Variants in LRRC41 observed in about 807,000 individuals in gnomAD.
LRRC41 encodes leucine rich repeat containing 41.
A neutral mutation model predicts 72.1 loss-of-function variants in LRRC41; 17 were observed. The ratio of observed to expected loss-of-function variants is 0.24; its 90% CI spans 0.16 to 0.35. LRRC41 has a LOEUF of 0.35. LRRC41 is among the 10% of genes least tolerant of loss of function. The pLI is 1.00. For missense variants in LRRC41, 759 were observed against 1,065.0 expected (o/e 0.71, Z 4.00); for synonymous variants, 427 against 431.0 (o/e 0.99, Z 0.11).
At chr1:46,280,063 G>A in intron 7 of LRRC41, 129 bp downstream of exon 7, 1 of 690,538 alleles carries the variant, frequency 1.4e-6, no homozygotes, top group South Asian at 1.8e-5. Flanking sequence ...GGAAAATCAT[G>A]CAGGTTCTAT....
chr1:46,296,412 C>T (rs909931814), intron 3 of LRRC41, among the ~76,000 whole-genome samples: 5 of 151,818 alleles, frequency 3.3e-5, no homozygotes, highest in African/African-American at 7.3e-5. Flanking sequence ...GGCAAAACTC[C>T]GTCTCAAACA....
rs1447536099 is a variant in LRRC41, at chr1:46,285,229, GAGGCATACA to G, written c.1495+124_1495+132del. On this transcript the variant is annotated intron_variant, in intron 4 of 9. Coordinates refer to ENST00000617190, the MANE Select transcript of LRRC41 (RefSeq NM_006369.5). The surrounding 1 kb of genome is among the most constrained non-coding windows in gnomAD (Gnocchi z 5.3). ...TAGCAATGACAGTCTCCCCTGCTAT[GAGGCATACA>G]AGCCTTCCTCTCTAACCTCCTGATC... 4 of 786,124 alleles carry G rather than the reference GAGGCATACA, an allele frequency of 5.1e-6. No individual in the cohort carries two copies. The highest frequency in any genetic ancestry group is 1.7e-5 in the African/African-American group (1 of 58,474). 48.7% of individuals were successfully genotyped at this position (786,124 alleles called of 1,614,324 possible).
Position 46,283,852 on chromosome 1 carries a change from G to C in LRRC41, c.1495+1510C>G, listed in dbSNP as rs1048156750. Among the ~76,000 whole-genome samples the C allele has an allele frequency of 2.0e-5, 3 of 152,244 alleles. 1 individual carries two copies. The highest frequency in any genetic ancestry group is 4.4e-5 in the Non-Finnish European group (3 of 68,026). Reference sequence around the variant, plus strand: ...GGCTAATTTTTGTATTTTTAGTAGAGATGGGGTTTCACCATCTTGGCCAGG... The same window carrying C: ...GGCTAATTTTTGTATTTTTAGTAGACATGGGGTTTCACCATCTTGGCCAGG... On this transcript the variant is annotated intron_variant, in intron 4 of 9. Coordinates refer to ENST00000617190, the MANE Select transcript of LRRC41 (RefSeq NM_006369.5).
intron 1 of LRRC41, chr1:46,298,759 T>G (rs1469350111): frequency 4.4e-5 from 7 of 159,200 alleles, no homozygotes; most frequent in African/African-American, 1.2e-4. Context: ...AGCTCCCTGC[T>G]TTGCCTCCTA....
chr1:46,285,425 G>C lies in LRRC41; in HGVS notation c.1432C>G (p.Leu478Val). ...GAGCTCAGCAGGTGGCATAGTGTCA[G>C]GGCTGCCTCTGTGGAGAGTGGAACT... Reference protein sequence around the residue: ...FTVPLSTEAALTLCHLLSSWV... With the variant: ...FTVPLSTEAAVTLCHLLSSWV... The change falls in exon 4 of 10, where the codon CTG (leucine) becomes GTG (valine). Residue 478 changes from leucine to valine, a missense_variant. Around this residue, in one of 4 missense-constraint regions of LRRC41, gnomAD observed 427 missense variants for 520.9 expected, o/e 0.82. Coordinates refer to ENST00000617190, the MANE Select transcript of LRRC41 (RefSeq NM_006369.5). This position sits in a 1 kb window ranked among gnomAD's most constrained non-coding sequence, Gnocchi z 5.3. The C allele has an allele frequency of 1.2e-6, 2 of 1,614,178 alleles. No individual in the cohort carries two copies. Among genetic ancestry groups the C allele is most frequent in the Non-Finnish European group, 1.7e-6 (2 of 1,180,034 alleles).
intron 3 of LRRC41, among the ~76,000 whole-genome samples, chr1:46,290,135 T>A (rs146994152): frequency 6.6e-6 from 1 of 152,318 alleles, no homozygotes; most frequent in African/African-American, 2.4e-5. Context: ...GGACGAGGCA[T>A]GGTGACTCAT....
rs1359722871 is a variant in LRRC41 at position 46,302,892 on chromosome 1, C to T, written c.199+232G>A. The T allele has an allele frequency of 1.0e-6, 1 of 985,132 alleles. No individual in the cohort carries two copies. Among genetic ancestry groups the T allele is most frequent in the African/African-American group, 1.7e-5 (1 of 57,286 alleles). 61.0% of individuals were successfully genotyped at this position (985,132 alleles called of 1,614,324 possible). A position where few individuals can be genotyped will look rare whatever the true frequency, so the allele number is the denominator to read the frequency against. ...CCAGACCGGGCCTCCTGGCCTCGCC[C>T]CCCGCGCCCCCGAGCCAGGCCGCGG... On this transcript the variant is annotated intron_variant, in intron 1 of 9. Transcript: ENST00000617190. This position sits in a 1 kb window ranked among gnomAD's most constrained non-coding sequence, Gnocchi z 4.7.
Position 46,278,204 on chromosome 1 carries a change from T to C in LRRC41, c.*661A>G, listed in dbSNP as rs1460048857. On this transcript the variant is annotated 3_prime_UTR_variant, in exon 10 of 10. Coordinates refer to ENST00000617190, the MANE Select transcript of LRRC41 (RefSeq NM_006369.5). The stretch of plus-strand genomic sequence containing the variant: ...GGCTCCGGGATGAGGTACTCCAGGC[T>C]GCCTGGGATGCTGCCTCCACTGCCA... The C allele has an allele frequency of 1.2e-6, 2 of 1,614,004 alleles. No homozygotes were observed. The highest frequency in any genetic ancestry group is 1.1e-5 in the South Asian group (1 of 91,016).
At chr1:46,284,200 T>C (rs1660838804) in intron 4 of LRRC41, 1 of 152,322 alleles carries the variant, frequency 6.6e-6, no homozygotes, top group African/African-American at 2.4e-5. Flanking sequence ...TTTATTAATA[T>C]GGCATAGAGG....
At position 46,302,811 on chromosome 1, in the gene LRRC41, C is replaced by G. The variant is rs577482257; in HGVS notation, c.199+313G>C. 1 of 985,166 alleles carries G rather than the reference C, an allele frequency of 1.0e-6. No homozygotes were observed. The highest frequency in any genetic ancestry group is 1.2e-6 in the Non-Finnish European group (1 of 829,852). 61.0% of individuals were successfully genotyped at this position (985,166 alleles called of 1,614,324 possible). A position where few individuals can be genotyped will look rare whatever the true frequency, so the allele number is the denominator to read the frequency against. On this transcript the variant is annotated intron_variant, in intron 1 of 9. Transcript: ENST00000617190. The surrounding 1 kb of genome is among the most constrained non-coding windows in gnomAD (Gnocchi z 4.7). ...TGCCCGGCCCAGCCGAGTGTCAGTT[C>G]GCGCGGCCCACAGCCGCAATCCAGC...
At position 46,302,034 on chromosome 1, in the gene LRRC41, C is replaced by T; in HGVS notation, c.199+1090G>A. On this transcript the variant is annotated intron_variant, in intron 1 of 9. Transcript: ENST00000617190. This position sits in a 1 kb window ranked among gnomAD's most constrained non-coding sequence, Gnocchi z 4.7. ...GACCCAAGTTTCCCTCGTCAGCGGC[C>T]AGGCCGCGGCCAGCGGTCCCCAACC... The T allele has an allele frequency of 2.0e-6, 2 of 985,412 alleles. No individual in the cohort carries two copies. Among genetic ancestry groups the T allele is most frequent in the African/African-American group, 3.5e-5 (2 of 57,380 alleles). 61.0% of individuals were successfully genotyped at this position (985,412 alleles called of 1,614,324 possible).
At chr1:46,297,508 T>C in intron 3 of LRRC41, 55 bp downstream of exon 3, 1 of 1,415,336 alleles carries the variant, frequency 7.1e-7, no homozygotes, top group Non-Finnish European at 1.0e-6. Context: ...TGTGTGCTAT[T>C]CCTGCTTTTA....
chr1:46,301,828 C>A (rs1404375486), intron 1 of LRRC41, among the ~76,000 whole-genome samples: 1 of 151,944 alleles, frequency 6.6e-6, no homozygotes, highest in African/African-American at 2.4e-5. Flanking sequence ...TGCTCTCCTG[C>A]CCCCCTCCCC....
In LRRC41 at chr1:46,297,542, CTACCTGA is replaced by C. The variant is rs1191117106; in HGVS notation, c.357+14_357+20del. On this transcript the variant is annotated intron_variant, in intron 3 of 9. Coordinates refer to ENST00000617190, the MANE Select transcript of LRRC41 (RefSeq NM_006369.5). ...TACCATGCAAAATCAGGCTAGCATTCTACCTGATACCTTAACTTACTTCCAAACTGGA... is the reference window on the plus strand; with the variant it reads ...TACCATGCAAAATCAGGCTAGCATTCTACCTTAACTTACTTCCAAACTGGA... The C allele has an allele frequency of 6.2e-7, 1 of 1,603,636 alleles. No individual in the cohort carries two copies. Among genetic ancestry groups the C allele is most frequent in the Non-Finnish European group, 8.5e-7 (1 of 1,170,768 alleles).
Position 46,302,651 on chromosome 1 carries a change from C to T in LRRC41, c.199+473G>A. On this transcript the variant is annotated intron_variant, in intron 1 of 9. Transcript: ENST00000617190. The surrounding 1 kb of genome is among the most constrained non-coding windows in gnomAD (Gnocchi z 4.7). ...GTGGCGTGTCAGGCAGATGCTGGAGCCCCGGGGCCATCAGTCAGGTTCGGT... is the reference window on the plus strand; with the variant it reads ...GTGGCGTGTCAGGCAGATGCTGGAGTCCCGGGGCCATCAGTCAGGTTCGGT... The T allele has an allele frequency of 1.0e-6, 1 of 985,416 alleles. No homozygotes were observed. The highest frequency in any genetic ancestry group is 1.2e-6 in the Non-Finnish European group (1 of 829,900). The allele number at this position is 985,416 out of a possible 1,614,324, so 61.0% of individuals were successfully genotyped here.
Position 46,277,739 on chromosome 1 carries a change from C to CT in LRRC41, c.*1125dup. On this transcript the variant is annotated 3_prime_UTR_variant, in exon 10 of 10. Coordinates refer to ENST00000617190, the MANE Select transcript of LRRC41 (RefSeq NM_006369.5). Reference sequence around the variant, plus strand: ...TTCTCGGGTAGCTGTAGTTTCAACCCTTTGGTTTTCCTGCTCCCTTTTTAT... The same window carrying CT: ...TTCTCGGGTAGCTGTAGTTTCAACCCTTTTGGTTTTCCTGCTCCCTTTTTAT... 6.7e-7 allele frequency: 1 copy of CT among 1,496,112 alleles called. No individual in the cohort carries two copies. Among genetic ancestry groups the CT allele is most frequent in the Non-Finnish European group, 9.3e-7 (1 of 1,080,882 alleles). The allele number at this position is 1,496,112 out of a possible 1,614,324, so 92.7% of individuals were successfully genotyped here. A position where few individuals can be genotyped will look rare whatever the true frequency, so the allele number is the denominator to read the frequency against.
At chr1:46,300,645 GTC>G (rs1182927015) in intron 1 of LRRC41, 1 of 152,122 alleles carries the variant, frequency 6.6e-6, no homozygotes, top group Non-Finnish European at 1.5e-5. Flanking sequence ...ACCCTTGGAG[GTC>G]TCTCTGCTGC....
chr1:46,290,827 CAAA>C (rs1660995434), intron 3 of LRRC41, among the ~76,000 whole-genome samples: 1 of 146,544 alleles, frequency 6.8e-6, no homozygotes, highest in Non-Finnish European at 1.5e-5. Context: ...AGGCTGGTCT[CAAA>C]CTCCTGAGCT....
Position 46,303,515 on chromosome 1 carries a change from G to A in LRRC41, c.-193C>T. ...ATAAACTCCTAGATCAATTATACTT[G>A]GGTGTGGTATGACTAAGGGGATGTT... On this transcript the variant is annotated 5_prime_UTR_variant, in exon 1 of 10. Transcript: ENST00000617190. The A allele has an allele frequency of 1.4e-6, 1 of 737,578 alleles. No individual in the cohort carries two copies. The highest frequency in any genetic ancestry group is 2.2e-6 in the Non-Finnish European group (1 of 462,622). The allele number at this position is 737,578 out of a possible 1,614,324, so 45.7% of individuals were successfully genotyped here. A position where few individuals can be genotyped will look rare whatever the true frequency, so the allele number is the denominator to read the frequency against.
Sources: allele counts gnomAD v4.1 joint callset (sites outside exome capture counted in the v4.1 genomes callset), GRCh38; gene constraint gnomAD v4.1.1; regional missense constraint gnomAD v4.1.1; non-coding constraint Gnocchi (gnomAD v3.1); transcripts MANE v1.5; gene names NCBI Gene and HGNC (gene_info 2026-07-23, HGNC 2026-07-21).